The following FGF2 variants were observed in gnomAD, a reference collection of about 807,000 sequenced individuals.
FGF2 encodes the protein fibroblast growth factor 2, also known as basic fibroblast growth factor bFGF.
A neutral mutation model predicts 15.9 loss-of-function variants in FGF2; 13 were observed. The ratio of observed to expected loss-of-function variants is 0.82; its 90% CI spans 0.53 to 1.30. The LOEUF is 1.30. FGF2 is among the 50% of genes most tolerant of loss of function. FGF2 has a pLI of 0.00. For missense variants in FGF2, 163 were observed against 196.9 expected, an observed-to-expected ratio of 0.83 and a Z score of 1.03; for synonymous variants, 90 against 78.4, an observed-to-expected ratio of 1.15 and a Z score of -0.78.
At chr4:122,846,248 A>G (rs914053566) in intron 1 of FGF2, among the ~76,000 whole-genome samples, 1 of 152,218 alleles carries the variant, frequency 6.6e-6, no homozygotes, top group African/African-American at 2.4e-5. Flanking sequence ...CTGATCACAG[A>G]TCACCATAAT....
chr4:122,843,076 A>G (rs1016786932), intron 1 of FGF2, among the ~76,000 whole-genome samples: 2 of 152,230 alleles, frequency 1.3e-5, no homozygotes, highest in Non-Finnish European at 2.9e-5. Flanking sequence ...TTGGCACGAC[A>G]AGAAAGAGAT....
intron 1 of FGF2, among the ~76,000 whole-genome samples, chr4:122,832,147 C>T (rs1440267365): frequency 6.6e-6 from 1 of 152,232 alleles, no homozygotes; most frequent in African/African-American, 2.4e-5. Flanking sequence ...AGATACCCTA[C>T]TTGGGCCCCT....
At chr4:122,879,090 A>G (rs1726912432) in intron 2 of FGF2, among the ~76,000 whole-genome samples, 2 of 152,202 alleles carry the variant, frequency 1.3e-5, no homozygotes. Context: ...GAATGTATGC[A>G]GTTTCCTAGG....
At chr4:122,876,486 C>A in intron 2 of FGF2, 62 bp downstream of exon 2, 1 of 999,648 alleles carries the variant, frequency 1.0e-6, no homozygotes, top group Non-Finnish European at 1.6e-6. Context: ...AATTTACCAG[C>A]ATTGTTGTTT....
rs1471416040 is a variant in FGF2, at chr4:122,892,610, G to C, written c.*214G>C. 1 of 1,434,058 alleles carries C rather than the reference G, an allele frequency of 7.0e-7. No homozygotes were observed. The highest frequency in any genetic ancestry group is 9.1e-7 in the Non-Finnish European group (1 of 1,098,596). 88.8% of individuals were successfully genotyped at this position (1,434,058 alleles called of 1,614,324 possible). A position where few individuals can be genotyped will look rare whatever the true frequency, so the allele number is the denominator to read the frequency against. On this transcript the variant is annotated 3_prime_UTR_variant, in exon 3 of 3. Transcript: ENST00000644866. ...ATATTCTCCCTTTTATATTGCATCTGCTGTTACCCAGTGAAGCTTACCTAG... is the reference window on the plus strand; with the variant it reads ...ATATTCTCCCTTTTATATTGCATCTCCTGTTACCCAGTGAAGCTTACCTAG...
At chr4:122,864,211 A>G (rs1054509332) in intron 1 of FGF2, among the ~76,000 whole-genome samples, 3 of 151,338 alleles carry the variant, frequency 2.0e-5, no homozygotes, top group Non-Finnish European at 4.4e-5. Flanking sequence ...TAAACCTTTC[A>G]TTTTTTTCAT....
At chr4:122,883,785 T>C (rs751144552) in intron 2 of FGF2, among the ~76,000 whole-genome samples, 1 of 152,234 alleles carries the variant, frequency 6.6e-6, no homozygotes, top group African/African-American at 2.4e-5. Flanking sequence ...ATATAGATCA[T>C]GATATACCCT....
At chr4:122,836,944 G>A (rs1307411838) in intron 1 of FGF2, among the ~76,000 whole-genome samples, 1 of 152,166 alleles carries the variant, frequency 6.6e-6, no homozygotes, top group Non-Finnish European at 1.5e-5. Context: ...ACTGGTTATA[G>A]TACTCTAATT....
chr4:122,866,338 C>A (rs1446916518), intron 1 of FGF2, among the ~76,000 whole-genome samples: 46 of 149,826 alleles, frequency 3.1e-4, no homozygotes, highest in African/African-American at 9.8e-4. Flanking sequence ...ACTGCACTCC[C>A]GCCTGGGTGA....
chr4:122,876,883 A>T (rs1378325465), intron 2 of FGF2, among the ~76,000 whole-genome samples: 2 of 152,096 alleles, frequency 1.3e-5, no homozygotes, highest in East Asian at 3.9e-4. Flanking sequence ...ACAGATGCCG[A>T]CTCTGCCACT....
At chr4:122,871,978 G>C (rs901048620) in intron 1 of FGF2, among the ~76,000 whole-genome samples, 3 of 152,012 alleles carry the variant, frequency 2.0e-5, no homozygotes, top group Admixed American at 2.0e-4. Flanking sequence ...CCAAATGATC[G>C]CAATGTCTCT....
intron 1 of FGF2, among the ~76,000 whole-genome samples, chr4:122,865,048 AT>A (rs1178012881): frequency 6.6e-6 from 1 of 152,200 alleles, no homozygotes; most frequent in Non-Finnish European, 1.5e-5. Context: ...TAATCTGTAC[AT>A]ATTCAAATGT....
intron 2 of FGF2, among the ~76,000 whole-genome samples, chr4:122,890,799 C>A (rs1334563611): frequency 6.6e-6 from 1 of 152,078 alleles, no homozygotes; most frequent in Non-Finnish European, 1.5e-5. Flanking sequence ...GGTATTAATA[C>A]AAAACCATAT....
intron 1 of FGF2, among the ~76,000 whole-genome samples, chr4:122,837,975 A>G (rs1366908545): frequency 6.6e-6 from 1 of 152,206 alleles, no homozygotes; most frequent in African/African-American, 2.4e-5. Flanking sequence ...CTCCTTACAT[A>G]TTTATATATA....
intron 1 of FGF2, among the ~76,000 whole-genome samples, chr4:122,869,845 T>C (rs139781938): frequency 1.4e-4 from 21 of 152,332 alleles, no homozygotes; most frequent in East Asian, 7.7e-4. Context: ...TCTTGCCTGA[T>C]TTCCCTGGCC....
At chr4:122,853,740 T>C (rs966133067) in intron 1 of FGF2, among the ~76,000 whole-genome samples, 1 of 152,244 alleles carries the variant, frequency 6.6e-6, no homozygotes, top group Non-Finnish European at 1.5e-5. Flanking sequence ...GTGTATATAC[T>C]AATGCTGTGC....
chr4:122,880,496 C>A (rs1036906318), intron 2 of FGF2, among the ~76,000 whole-genome samples: 1 of 152,150 alleles, frequency 6.6e-6, no homozygotes, highest in Admixed American at 6.5e-5. Flanking sequence ...GATCTTCCCC[C>A]CTTGGCCTCC....
intron 1 of FGF2, among the ~76,000 whole-genome samples, chr4:122,831,953 T>C (rs1725773680): frequency 6.6e-6 from 1 of 152,214 alleles, no homozygotes; most frequent in Admixed American, 6.5e-5. Context: ...AAGCATAAAA[T>C]TGACTTTCTT....
intron 1 of FGF2, among the ~76,000 whole-genome samples, chr4:122,851,869 G>A (rs1029098499): frequency 9.9e-5 from 15 of 152,138 alleles, no homozygotes; most frequent in African/African-American, 3.1e-4. Flanking sequence ...CTAATTCTAT[G>A]CTCTTGGGTA....
Sources: allele counts gnomAD v4.1 joint callset (sites outside exome capture counted in the v4.1 genomes callset), GRCh38; gene constraint gnomAD v4.1.1; transcripts MANE v1.5; gene names NCBI Gene and HGNC (gene_info 2026-07-23, HGNC 2026-07-21).